DMD: variants seen among roughly 807,000 people sequenced by gnomAD.
DMD encodes mutant dystrophin.
DMD carries 63 observed loss-of-function variants against 330.1 expected under a neutral mutation model. That is an observed-to-expected ratio of 0.19 (90% CI 0.16 to 0.24). DMD has a LOEUF of 0.24. DMD is among the 10% of genes least tolerant of loss of function. DMD has a pLI of 1.00. For synonymous variants in DMD, 1,223 were observed against 959.8 expected (o/e 1.27, Z -5.07); for missense variants, 3,344 against 2,684.1 (o/e 1.25, Z -5.43).
chrX:32,844,689 G>T (rs2148983609), intron 4 of DMD, 94 bp downstream of exon 4: 1 of 748,153 alleles, frequency 1.3e-6, no homozygotes, highest in East Asian at 3.2e-5. Flanking sequence ...AAGAGAATTT[G>T]AAATACTTTC....
chrX:32,714,524 T>A (rs995387063), intron 7 of DMD, among the ~76,000 whole-genome samples: 6 of 111,797 alleles, frequency 5.4e-5, no homozygotes, highest in African/African-American at 2.0e-4. Context: ...TCGTTAGTAT[T>A]CCATTATATA....
intron 2 of DMD, among the ~76,000 whole-genome samples, chrX:32,958,661 G>C (rs1256702188): frequency 9.0e-6 from 1 of 111,353 alleles, no homozygotes; most frequent in Non-Finnish European, 1.9e-5. Context: ...ATTAAAGTCA[G>C]CTTTGCAAAT....
intron 55 of DMD, among the ~76,000 whole-genome samples, chrX:31,600,359 C>T (rs777151436): frequency 7.2e-5 from 8 of 111,338 alleles, no homozygotes; most frequent in Non-Finnish European, 1.5e-4. Context: ...GGCACAGTTA[C>T]ATTTCTGAAC....
chrX:32,347,404 C>T (rs780986679), intron 38 of DMD, among the ~76,000 whole-genome samples: 1 of 111,009 alleles, frequency 9.0e-6, no homozygotes, highest in East Asian at 2.8e-4. Flanking sequence ...ATCTTGGTGC[C>T]CTCTAGTTTC....
At chrX:31,225,020 T>C (rs1166057945) in intron 63 of DMD, among the ~76,000 whole-genome samples, 1 of 112,697 alleles carries the variant, frequency 8.9e-6, no homozygotes, top group Non-Finnish European at 1.9e-5. Context: ...GGGTGTTTTC[T>C]AGGTGATCGA....
chrX:32,119,920 C>G (rs962778535), intron 44 of DMD, among the ~76,000 whole-genome samples: 2 of 111,943 alleles, frequency 1.8e-5, no homozygotes, highest in Non-Finnish European at 3.8e-5. Flanking sequence ...AGTGCACAGT[C>G]TTGCAATTAC....
At chrX:32,615,846 T>C (rs2057522458) in intron 11 of DMD, among the ~76,000 whole-genome samples, 1 of 111,997 alleles carries the variant, frequency 8.9e-6, no homozygotes, top group South Asian at 3.6e-4. Context: ...TTACAATTAA[T>C]GAACCAATAT....
At chrX:31,542,142 T>C (rs2073865921) in intron 55 of DMD, among the ~76,000 whole-genome samples, 1 of 111,490 alleles carries the variant, frequency 9.0e-6, no homozygotes, top group South Asian at 3.7e-4. Context: ...GGTGGTACAT[T>C]TACTGCTATA....
intron 7 of DMD, among the ~76,000 whole-genome samples, chrX:32,752,052 C>A (rs2148294568): frequency 8.9e-6 from 1 of 112,623 alleles, no homozygotes; most frequent in African/African-American, 3.2e-5. Context: ...TCATGGAGAA[C>A]CTCTGCTAGG....
intron 54 of DMD, among the ~76,000 whole-genome samples, chrX:31,653,983 G>T (rs2148590689): frequency 9.0e-6 from 1 of 111,407 alleles, no homozygotes; most frequent in East Asian, 2.8e-4. Context: ...AAGCATAAAT[G>T]CCTATTTATA....
intron 43 of DMD, among the ~76,000 whole-genome samples, chrX:32,225,020 T>C (rs1213086470): frequency 8.9e-6 from 1 of 112,204 alleles, no homozygotes; most frequent in Non-Finnish European, 1.9e-5. Context: ...GGGACTCTTC[T>C]ACTGTGCTTA....
At chrX:31,470,179 C>G (rs7885399) in intron 59 of DMD, among the ~76,000 whole-genome samples, 30 of 110,837 alleles carry the variant, frequency 2.7e-4, no homozygotes, top group African/African-American at 9.9e-4. Flanking sequence ...TCCGTCAATT[C>G]GTCAAACTCA....
chrX:31,730,949 GA>G (rs1376896809), intron 51 of DMD, among the ~76,000 whole-genome samples: 6 of 111,542 alleles, frequency 5.4e-5, no homozygotes, highest in Non-Finnish European at 9.4e-5. Flanking sequence ...ATTTTCTAAC[GA>G]ATTTTGGTTT....
At chrX:31,254,593 G>A (rs1157782119) in intron 63 of DMD, among the ~76,000 whole-genome samples, 1 of 111,482 alleles carries the variant, frequency 9.0e-6, no homozygotes, top group Non-Finnish European at 1.9e-5. Flanking sequence ...TTGAACTCCT[G>A]AGCTCAAGTG....
chrX:31,209,814 A>C (rs1392986577), intron 64 of DMD, 115 bp from the exon 65 acceptor site: 10 of 663,949 alleles, frequency 1.5e-5, no homozygotes, highest in Admixed American at 1.1e-4. Flanking sequence ...ATAAACACCA[A>C]ACGTGAACCA....
intron 16 of DMD, among the ~76,000 whole-genome samples, chrX:32,549,754 G>T (rs1204798485): frequency 1.8e-5 from 2 of 111,405 alleles, no homozygotes; most frequent in Non-Finnish European, 3.8e-5. Flanking sequence ...CTTGCAGTAA[G>T]ATTGTGTTAT....
chrX:31,507,469 A>T lies in DMD; in HGVS notation c.8218-16T>A. The stretch of plus-strand genomic sequence containing the variant: ...CTTGGAGGTCCTACAGGACAGCAGG[A>T]AGAAGAATATGTGCAGAATTACCAA... On this transcript the variant is annotated splice_polypyrimidine_tract_variant and intron_variant, in intron 55 of 78. Coordinates refer to ENST00000357033, the MANE Select transcript of DMD (RefSeq NM_004006.3). The T allele has an allele frequency of 1.7e-6, 2 of 1,187,910 alleles. No homozygotes were observed. Among genetic ancestry groups the T allele is most frequent in the Non-Finnish European group, 2.3e-6 (2 of 879,924 alleles).
intron 6 of DMD, among the ~76,000 whole-genome samples, chrX:32,809,919 C>CCAAAAAA (rs2077222247): frequency 3.5e-5 from 1 of 28,660 alleles, no homozygotes; most frequent in African/African-American, 1.3e-4. Context: ...TTGTTTCTAC[C>CCAAAAAA]AAAAAAAAAA....
At chrX:32,948,619 A>G (rs1358169447) in intron 2 of DMD, among the ~76,000 whole-genome samples, 1 of 111,986 alleles carries the variant, frequency 8.9e-6, no homozygotes, top group African/African-American at 3.2e-5. Flanking sequence ...TGAACTTTGC[A>G]GTTGCTAAGG....
Sources: gnomAD v4.1 joint callset for allele counts (sites outside exome capture counted in the v4.1 genomes callset) on GRCh38, gnomAD v4.1.1 for gene constraint, MANE v1.5 for transcripts, NCBI Gene and HGNC (gene_info 2026-07-23, HGNC 2026-07-21) for gene names.